CHRM3: variants seen among roughly 807,000 people sequenced by gnomAD.
CHRM3 encodes the protein muscarinic acetylcholine receptor M3.
A neutral mutation model predicts 41.8 loss-of-function variants in CHRM3; 11 were observed. The ratio of observed to expected loss-of-function variants is 0.26; its 90% CI spans 0.17 to 0.44. The LOEUF (loss-of-function observed/expected upper bound fraction) is 0.44, where lower values mean the gene tolerates loss of function less well. Ranked by LOEUF, CHRM3 falls within the 20% of genes least tolerant of loss-of-function variation. The pLI is 1.00. For synonymous variants in CHRM3, 297 were observed against 301.4 expected (o/e 0.99, Z 0.15); for missense variants, 571 against 745.4 (o/e 0.77, Z 2.72).
At chr1:239,517,617 A>G (rs762470397) in intron 2 of CHRM3, among the ~76,000 whole-genome samples, 8 of 152,344 alleles carry the variant, frequency 5.3e-5, no homozygotes, top group Admixed American at 2.0e-4. Context: ...CCAGGTCAAA[A>G]GTATCTTTCA....
intron 3 of CHRM3, among the ~76,000 whole-genome samples, chr1:239,608,615 GTATC>G (rs1666633389): frequency 6.6e-6 from 1 of 151,974 alleles, no homozygotes; most frequent in African/African-American, 2.4e-5. Context: ...AGAACATTTC[GTATC>G]TTTGAGCACC....
intron 5 of CHRM3, among the ~76,000 whole-genome samples, chr1:239,728,850 G>A (rs909035439): frequency 6.6e-6 from 1 of 151,924 alleles, no homozygotes; most frequent in Non-Finnish European, 1.5e-5. Flanking sequence ...TTAAGCCAAT[G>A]TGGATTCATT....
intron 6 of CHRM3, among the ~76,000 whole-genome samples, chr1:239,866,339 G>C (rs975543519): frequency 6.6e-6 from 1 of 151,880 alleles, no homozygotes; most frequent in Non-Finnish European, 1.5e-5. Context: ...ATCGGAGCTT[G>C]CAGTGAGCCG....
At chr1:239,442,419 A>G (rs936280240) in intron 1 of CHRM3, among the ~76,000 whole-genome samples, 7 of 151,528 alleles carry the variant, frequency 4.6e-5, no homozygotes, top group African/African-American at 1.7e-4. Context: ...AATACATGTT[A>G]GTTCTTGATG....
Position 239,680,485 on chromosome 1 carries a change from T to C in CHRM3, c.-147+2197T>C, listed in dbSNP as rs181043218. On this transcript the variant is annotated intron_variant, in intron 5 of 6. Transcript: ENST00000676153. Reference sequence around the variant, plus strand: ...TTCACAAGTATAGAAATGACAGACATTGTTTACCTATCCAACAGATTGCCA... The same window carrying C: ...TTCACAAGTATAGAAATGACAGACACTGTTTACCTATCCAACAGATTGCCA... Among the ~76,000 whole-genome samples, 77 of 152,140 alleles carry C rather than the reference T, an allele frequency of 5.1e-4. No individual in the cohort carries two copies. In the East Asian group the frequency reaches 0.012, roughly 23 times the overall value.
chr1:239,865,223 A>G (rs901739536), intron 6 of CHRM3, among the ~76,000 whole-genome samples: 11 of 151,986 alleles, frequency 7.2e-5, no homozygotes, highest in African/African-American at 2.7e-4. Context: ...ATGGAGAACT[A>G]CATGTATAGG....
chr1:239,888,331 G>A (rs1017636937), intron 6 of CHRM3, among the ~76,000 whole-genome samples: 1 of 151,504 alleles, frequency 6.6e-6, no homozygotes, highest in African/African-American at 2.4e-5. Context: ...TTGCACCACT[G>A]CATTCCACAC....
chr1:239,823,281 T>G (rs1250496982), intron 5 of CHRM3, among the ~76,000 whole-genome samples: 1 of 152,134 alleles, frequency 6.6e-6, no homozygotes, highest in African/African-American at 2.4e-5. Flanking sequence ...CATATTCAAC[T>G]GGGAATATTA....
intron 4 of CHRM3, among the ~76,000 whole-genome samples, chr1:239,638,775 C>A (rs1252405603): frequency 6.6e-6 from 1 of 152,198 alleles, no homozygotes; most frequent in Non-Finnish European, 1.5e-5. Flanking sequence ...TAATTAGATC[C>A]CATTTGTCAA....
At chr1:239,849,452 T>C (rs1300433739) in intron 6 of CHRM3, among the ~76,000 whole-genome samples, 2 of 152,336 alleles carry the variant, frequency 1.3e-5, no homozygotes, top group Non-Finnish European at 2.9e-5. Flanking sequence ...GGTTGTTGAC[T>C]TCATCTCTTT....
At chr1:239,679,876 C>T (rs1354535962) in intron 5 of CHRM3, among the ~76,000 whole-genome samples, 1 of 152,094 alleles carries the variant, frequency 6.6e-6, no homozygotes, top group Non-Finnish European at 1.5e-5. Context: ...CTGCGTCTAA[C>T]CCATCCAGTC....
At chr1:239,552,214 TTATA>T (rs1558312645) in intron 3 of CHRM3, among the ~76,000 whole-genome samples, 1 of 142,820 alleles carries the variant, frequency 7.0e-6, no homozygotes, top group East Asian at 2.1e-4. Flanking sequence ...GTATCGTATA[TTATA>T]TATGTATAGA....
intron 5 of CHRM3, among the ~76,000 whole-genome samples, chr1:239,697,666 A>G (rs1660323688): frequency 6.6e-6 from 1 of 152,200 alleles, no homozygotes; most frequent in Non-Finnish European, 1.5e-5. Context: ...GGCAACAGAC[A>G]TTTAAAACTA....
chr1:239,740,877 A>G (rs1363102980), intron 5 of CHRM3, among the ~76,000 whole-genome samples: 1 of 152,196 alleles, frequency 6.6e-6, no homozygotes, highest in Non-Finnish European at 1.5e-5. Context: ...GGGTGTTTTT[A>G]TAAACATGCA....
chr1:239,602,602 T>C (rs1029043499), intron 3 of CHRM3, among the ~76,000 whole-genome samples: 1 of 152,152 alleles, frequency 6.6e-6, no homozygotes, highest in Non-Finnish European at 1.5e-5. Flanking sequence ...GTTGTTCCTA[T>C]GTAGGGTTAG....
rs1361052950 is a variant in CHRM3 at position 239,397,713 on chromosome 1, A to C, written c.-521+10486A>C. ...TATATATATATATATATATTTCTAT[A>C]AAATATATAAATATATATTCTATAA... On this transcript the variant is annotated intron_variant, in intron 1 of 6. Transcript: ENST00000676153. Among the ~76,000 whole-genome samples the C allele has an allele frequency of 2.0e-5, 3 of 147,604 alleles. No individual in the cohort carries two copies. In the East Asian group the frequency reaches 5.9e-4, roughly 29 times the overall value.
At chr1:239,519,488 A>G (rs184040764) in intron 2 of CHRM3, among the ~76,000 whole-genome samples, 149 of 152,232 alleles carry the variant, frequency 9.8e-4, no homozygotes, top group Non-Finnish European at 1.9e-3. Context: ...TGATTGACAC[A>G]TCAATTGTTA....
rs1659112939 is a variant in CHRM3 at position 239,544,661 on chromosome 1, T to C, written c.-421-980T>C. ...TACTTTTGTTGTTGCTGTTCATTCA[T>C]TCATTTACTCATCACGTATTTGTAT... On this transcript the variant is annotated intron_variant, in intron 2 of 6. Coordinates refer to ENST00000676153, the MANE Select transcript of CHRM3 (RefSeq NM_001375978.1). Among the ~76,000 whole-genome samples, 6 of 152,218 alleles carry C rather than the reference T, an allele frequency of 3.9e-5. No individual in the cohort carries two copies. The South Asian group carries it at 1.2e-3, about 32-fold the overall frequency.
At chr1:239,426,482 A>G (rs982731909) in intron 1 of CHRM3, among the ~76,000 whole-genome samples, 33 of 149,764 alleles carry the variant, frequency 2.2e-4, no homozygotes, top group Admixed American at 1.1e-3. Flanking sequence ...AAAAAAAAAA[A>G]AAAGAAAGAA....
Sources: allele counts gnomAD v4.1 joint callset (sites outside exome capture counted in the v4.1 genomes callset), GRCh38; gene constraint gnomAD v4.1.1; transcripts MANE v1.5; gene names NCBI Gene and HGNC (gene_info 2026-07-23, HGNC 2026-07-21).